The following RCAN2 variants were observed in gnomAD, a reference collection of about 807,000 sequenced individuals.
The protein encoded by RCAN2 is calcipressin-2.
In RCAN2, 9 loss-of-function variants were observed where a neutral mutation model predicts 23.6. That is an observed-to-expected ratio of 0.38 (90% CI 0.23 to 0.67). The LOEUF is 0.67. Among genes scored for constraint, RCAN2 ranks in the 30% least tolerant of loss-of-function variants. The pLI, the probability that RCAN2 is intolerant of heterozygous loss-of-function variation, is 0.51. For synonymous variants in RCAN2, 109 were observed against 115.7 expected (o/e 0.94, Z 0.37); for missense variants, 273 against 302.3 (o/e 0.90, Z 0.72).
intron 2 of RCAN2, among the ~76,000 whole-genome samples, chr6:46,350,251 G>A (rs1764606737): frequency 6.6e-6 from 1 of 152,182 alleles, no homozygotes; most frequent in Admixed American, 6.5e-5. Context: ...AGAAATTGGA[G>A]TAAAAATCTC....
chr6:46,490,170 T>A (rs1336404022), intron 1 of RCAN2, among the ~76,000 whole-genome samples: 1 of 152,194 alleles, frequency 6.6e-6, no homozygotes, highest in African/African-American at 2.4e-5. Flanking sequence ...AAGCCTCCCC[T>A]CTGCATGATA....
At chr6:46,231,770 T>A (rs940696880) in intron 4 of RCAN2, among the ~76,000 whole-genome samples, 1 of 152,028 alleles carries the variant, frequency 6.6e-6, no homozygotes, top group Non-Finnish European at 1.5e-5. Context: ...CTGCTGAGAG[T>A]GTGCTCATTC....
At chr6:46,430,207 G>A in intron 2 of RCAN2, among the ~76,000 whole-genome samples, 1 of 152,206 alleles carries the variant, frequency 6.6e-6, no homozygotes, top group South Asian at 2.1e-4. Flanking sequence ...CGAGATGAGA[G>A]ATGCCTGAAG....
At chr6:46,255,969 A>G (rs1355871332) in intron 2 of RCAN2, among the ~76,000 whole-genome samples, 1 of 152,226 alleles carries the variant, frequency 6.6e-6, no homozygotes, top group East Asian at 1.9e-4. Flanking sequence ...GCTCAGAGCA[A>G]TTAAAGACTT....
intron 2 of RCAN2, among the ~76,000 whole-genome samples, chr6:46,336,230 G>C (rs1304091769): frequency 6.6e-6 from 1 of 152,228 alleles, no homozygotes; most frequent in Non-Finnish European, 1.5e-5. Flanking sequence ...TGAATTTCTT[G>C]GTTGAAATCT....
At chr6:46,443,102 C>A (rs1244367850) in intron 2 of RCAN2, among the ~76,000 whole-genome samples, 1 of 152,132 alleles carries the variant, frequency 6.6e-6, no homozygotes, top group Non-Finnish European at 1.5e-5. Context: ...TTCCTTAAGA[C>A]AACAAATATA....
intron 4 of RCAN2, among the ~76,000 whole-genome samples, chr6:46,233,689 C>A (rs1168868054): frequency 2.0e-5 from 3 of 151,854 alleles, no homozygotes; most frequent in Non-Finnish European, 2.9e-5. Context: ...TTTGATTAAA[C>A]CTTTTTTCCC....
intron 1 of RCAN2, among the ~76,000 whole-genome samples, chr6:46,469,856 T>C (rs192750313): frequency 2.0e-5 from 3 of 152,294 alleles, no homozygotes; most frequent in Admixed American, 1.3e-4. Context: ...AGAGGCTTCA[T>C]GTAGCATTCA....
chr6:46,446,573 T>A (rs971734134), intron 2 of RCAN2, among the ~76,000 whole-genome samples: 2 of 152,158 alleles, frequency 1.3e-5, no homozygotes, highest in African/African-American at 4.8e-5. Flanking sequence ...ACTACTATAA[T>A]GGTTCTACGT....
At chr6:46,265,724 C>T (rs1767304560) in intron 2 of RCAN2, among the ~76,000 whole-genome samples, 1 of 152,180 alleles carries the variant, frequency 6.6e-6, no homozygotes, top group Admixed American at 6.5e-5. Context: ...AAATTATGCT[C>T]ATTCCATAAA....
chr6:46,403,410 T>TAA (rs35116341), intron 2 of RCAN2, among the ~76,000 whole-genome samples: 5 of 151,660 alleles, frequency 3.3e-5, no homozygotes, highest in Non-Finnish European at 7.4e-5. Flanking sequence ...CTGTCTCTGC[T>TAA]AAAAAAACAA....
intron 2 of RCAN2, among the ~76,000 whole-genome samples, chr6:46,323,385 TAA>T (rs59759519): frequency 4.7e-5 from 6 of 128,692 alleles, no homozygotes; most frequent in Admixed American, 1.6e-4. Flanking sequence ...GTAACCTTTC[TAA>T]AAAAAAAAAA....
At chr6:46,394,071 C>T (rs1376278914) in intron 2 of RCAN2, among the ~76,000 whole-genome samples, 1 of 152,182 alleles carries the variant, frequency 6.6e-6, no homozygotes, top group Non-Finnish European at 1.5e-5. Flanking sequence ...AGCTGAGCTG[C>T]CATCAGCCCT....
chr6:46,257,706 T>G (rs1433547897), intron 2 of RCAN2, among the ~76,000 whole-genome samples: 5 of 152,124 alleles, frequency 3.3e-5, no homozygotes, highest in Non-Finnish European at 7.3e-5. Context: ...ATGTAGGGAT[T>G]ACAATTCTAG....
chr6:46,419,288 T>A (rs143841234), intron 2 of RCAN2, among the ~76,000 whole-genome samples: 1 of 152,308 alleles, frequency 6.6e-6, no homozygotes, highest in East Asian at 1.9e-4. Flanking sequence ...TACCACTAGA[T>A]AAGGCCCAAC....
In RCAN2 at chr6:46,304,927, C is replaced by T. The variant is rs374045913; in HGVS notation, c.226-56031G>A. ...ACTGTGCAAATGACAGGTGTGTGAA[C>T]GATCTTATGCCTGTATTGGAACAAG... On this transcript the variant is annotated intron_variant, in intron 2 of 4. Coordinates refer to ENST00000371374, the MANE Select transcript of RCAN2 (RefSeq NM_001251974.2). Among the ~76,000 whole-genome samples the T allele has an allele frequency of 4.6e-5, 7 of 152,184 alleles. No individual in the cohort carries two copies. In the East Asian group the frequency reaches 5.8e-4, roughly 13 times the overall value.
chr6:46,308,187 A>C (rs1191443778), intron 2 of RCAN2, among the ~76,000 whole-genome samples: 1 of 152,172 alleles, frequency 6.6e-6, no homozygotes, highest in African/African-American at 2.4e-5. Flanking sequence ...CCAACTGTGA[A>C]ACAAGGATGA....
chr6:46,390,899 G>C (rs1395648919), intron 2 of RCAN2, among the ~76,000 whole-genome samples: 1 of 152,150 alleles, frequency 6.6e-6, no homozygotes. Flanking sequence ...AAATGAATGC[G>C]AAGTGCCCAG....
At chr6:46,369,680 G>C (rs986068527) in intron 2 of RCAN2, among the ~76,000 whole-genome samples, 1 of 152,210 alleles carries the variant, frequency 6.6e-6, no homozygotes. Flanking sequence ...TTAAGGCTTA[G>C]AGAAGACATG....
Sources: gnomAD v4.1 joint callset for allele counts (sites outside exome capture counted in the v4.1 genomes callset) on GRCh38, gnomAD v4.1.1 for gene constraint, MANE v1.5 for transcripts, NCBI Gene and HGNC (gene_info 2026-07-23, HGNC 2026-07-21) for gene names.